ZMAT4: variants seen among roughly 807,000 people sequenced by gnomAD.
The protein encoded by ZMAT4 is zinc finger matrin-type protein 4.
In ZMAT4, 17 loss-of-function variants were observed where a neutral mutation model predicts 28.7. That is an observed-to-expected ratio of 0.59 (90% CI 0.41 to 0.89). The LOEUF (loss-of-function observed/expected upper bound fraction) is 0.89, where lower values mean the gene tolerates loss of function less well. Among genes scored for constraint, ZMAT4 ranks in the 40% least tolerant of loss-of-function variants. ZMAT4 has a pLI of 0.00. For synonymous variants in ZMAT4, 117 were observed against 109.2 expected (o/e 1.07, Z -0.44); for missense variants, 240 against 283.8 (o/e 0.85, Z 1.11).
At chr8:40,713,939 A>G (rs1003344095) in intron 3 of ZMAT4, among the ~76,000 whole-genome samples, 1 of 149,070 alleles carries the variant, frequency 6.7e-6, no homozygotes, top group Non-Finnish European at 1.5e-5. Flanking sequence ...AAAAAAAAAA[A>G]GAAAAAGAAA....
chr8:40,777,306 G>C (rs573433456), intron 2 of ZMAT4, among the ~76,000 whole-genome samples: 36 of 152,356 alleles, frequency 2.4e-4, no homozygotes, highest in African/African-American at 7.7e-4. Flanking sequence ...CCTGGCTGCA[G>C]ATGGGCGGGG....
chr8:40,604,482 T>C (rs1053978728), intron 5 of ZMAT4, among the ~76,000 whole-genome samples: 1 of 152,364 alleles, frequency 6.6e-6, no homozygotes, highest in East Asian at 1.9e-4. Context: ...GATGATCATA[T>C]GATTTTTGTT....
intron 5 of ZMAT4, among the ~76,000 whole-genome samples, chr8:40,669,423 TAA>T (rs369799225): frequency 1.4e-3 from 217 of 152,186 alleles, no homozygotes; most frequent in African/African-American, 5.1e-3. Context: ...ATGTATTTCA[TAA>T]AGTTACACCG....
intron 3 of ZMAT4, among the ~76,000 whole-genome samples, chr8:40,712,104 C>A (rs1810650355): frequency 6.6e-6 from 1 of 152,056 alleles, no homozygotes. Flanking sequence ...TTTGATAGAC[C>A]ACCTGATGCC....
chr8:40,710,305 T>A lies in ZMAT4; in HGVS notation c.193-12904A>T, dbSNP rs186121193. 1.9e-3 allele frequency among the ~76,000 whole-genome samples: 287 copies of A among 152,334 alleles called. 2 individuals are homozygous for A. The highest frequency in any genetic ancestry group is 6.6e-3 in the African/African-American group (275 of 41,578). ...TATTCACGGGATATGCACAATATTA[T>A]TGGATAAAGTATATCAATAATTATG... On this transcript the variant is annotated intron_variant, in intron 3 of 6. Transcript: ENST00000297737.
intron 2 of ZMAT4, among the ~76,000 whole-genome samples, chr8:40,799,780 A>C (rs1159530072): frequency 6.6e-6 from 1 of 152,212 alleles, no homozygotes; most frequent in Non-Finnish European, 1.5e-5. Flanking sequence ...GAAAGCAATA[A>C]AACAAGGTAA....
chr8:40,886,992 A>G (rs1191140083), intron 1 of ZMAT4, among the ~76,000 whole-genome samples: 1 of 152,070 alleles, frequency 6.6e-6, no homozygotes, highest in African/African-American at 2.4e-5. Flanking sequence ...TAACATGGTG[A>G]AACCCCGTCT....
chr8:40,575,356 C>A (rs919499), intron 6 of ZMAT4, among the ~76,000 whole-genome samples: 1 of 152,134 alleles, frequency 6.6e-6, no homozygotes, highest in East Asian at 1.9e-4. Flanking sequence ...CCACCAAACC[C>A]CTATGCCTTG....
intron 6 of ZMAT4, among the ~76,000 whole-genome samples, chr8:40,569,231 C>A (rs1804017739): frequency 1.3e-5 from 2 of 152,146 alleles, no homozygotes; most frequent in Non-Finnish European, 2.9e-5. Flanking sequence ...CATGTCCATT[C>A]CCAACTTACC....
intron 6 of ZMAT4, among the ~76,000 whole-genome samples, chr8:40,571,769 C>A (rs977627699): frequency 6.6e-5 from 10 of 152,116 alleles, no homozygotes; most frequent in Non-Finnish European, 1.5e-4. Flanking sequence ...TGATTATCAG[C>A]TGAAGAGAAA....
At chr8:40,710,435 T>C (rs1810558980) in intron 3 of ZMAT4, among the ~76,000 whole-genome samples, 1 of 152,204 alleles carries the variant, frequency 6.6e-6, no homozygotes, top group African/African-American at 2.4e-5. Context: ...CCTGTAATTG[T>C]GATTTGAATT....
chr8:40,720,524 T>TTC (rs35963627), intron 3 of ZMAT4, among the ~76,000 whole-genome samples: 10 of 98,188 alleles, frequency 1.0e-4, no homozygotes, highest in African/African-American at 4.1e-4. Flanking sequence ...GGGTAGAATC[T>TTC]TTTTTTTTTT....
chr8:40,742,225 G>T (rs1812040713), intron 3 of ZMAT4, among the ~76,000 whole-genome samples: 1 of 151,856 alleles, frequency 6.6e-6, no homozygotes, highest in Non-Finnish European at 1.5e-5. Flanking sequence ...TCCAGCCTGG[G>T]TGACAGAGTG....
intron 3 of ZMAT4, among the ~76,000 whole-genome samples, chr8:40,764,273 T>C (rs1347665226): frequency 6.6e-6 from 1 of 152,002 alleles, no homozygotes; most frequent in East Asian, 1.9e-4. Context: ...GGAAAAAAAA[T>C]GTAAGATCCG....
At chr8:40,543,349 T>C (rs1803102546) in intron 6 of ZMAT4, among the ~76,000 whole-genome samples, 1 of 152,168 alleles carries the variant, frequency 6.6e-6, no homozygotes, top group South Asian at 2.1e-4. Context: ...TCTGGACGAA[T>C]ACAAAGCAAA....
intron 3 of ZMAT4, among the ~76,000 whole-genome samples, chr8:40,722,547 G>A (rs1811146811): frequency 6.6e-6 from 1 of 152,104 alleles, no homozygotes; most frequent in Non-Finnish European, 1.5e-5. Flanking sequence ...AGCCCTAAGT[G>A]TGTCCTTAAG....
At chr8:40,592,434 C>T (rs1374398615) in intron 5 of ZMAT4, among the ~76,000 whole-genome samples, 2 of 152,212 alleles carry the variant, frequency 1.3e-5, no homozygotes, top group African/African-American at 4.8e-5. Flanking sequence ...CTGAATTCAT[C>T]TCACTGCCTG....
At chr8:40,897,415 T>G (rs1409334396) in intron 1 of ZMAT4, among the ~76,000 whole-genome samples, 2 of 152,100 alleles carry the variant, frequency 1.3e-5, no homozygotes, top group East Asian at 3.9e-4. Context: ...ACCCCAGCCC[T>G]GCAGACACCC....
intron 5 of ZMAT4, among the ~76,000 whole-genome samples, chr8:40,662,419 T>C (rs1358079967): frequency 6.6e-6 from 1 of 152,202 alleles, no homozygotes; most frequent in Non-Finnish European, 1.5e-5. Context: ...GACTCTAATG[T>C]TTAAAATCCG....
Sources: allele counts gnomAD v4.1 joint callset (sites outside exome capture counted in the v4.1 genomes callset), GRCh38; gene constraint gnomAD v4.1.1; transcripts MANE v1.5; gene names NCBI Gene and HGNC (gene_info 2026-07-23, HGNC 2026-07-21).